AOX1: variants seen among roughly 807,000 people sequenced by gnomAD.
AOX1 encodes aldehyde oxidase 1.
AOX1 carries 153 observed loss-of-function variants against 169.5 expected under a neutral mutation model. That is an observed-to-expected ratio of 0.90 (90% CI 0.79 to 1.03). The LOEUF is 1.03. Ranked by LOEUF, AOX1 falls within the 50% of genes least tolerant of loss-of-function variation. AOX1 has a pLI of 0.00. For missense variants in AOX1, 1,656 were observed against 1,663.9 expected (o/e 1.00, Z 0.08); for synonymous variants, 562 against 581.9 (o/e 0.97, Z 0.49).
intron 25 of AOX1, among the ~76,000 whole-genome samples, chr2:200,645,084 G>GTACCAT (rs1400391293): frequency 2.6e-5 from 4 of 152,060 alleles, no homozygotes; most frequent in Non-Finnish European, 5.9e-5. Context: ...GTACCATATT[G>GTACCAT]AAGAAGAGTG....
intron 2 of AOX1, 46 bp downstream of exon 2, chr2:200,593,249 A>G (rs1249805036): frequency 2.2e-6 from 3 of 1,374,284 alleles, no homozygotes; most frequent in Non-Finnish European, 3.1e-6. Context: ...GTGTATTTGT[A>G]TAACTCCAAT....
At chr2:200,605,068 C>G (rs10187029) in intron 9 of AOX1, among the ~76,000 whole-genome samples, 35,556 of 152,128 alleles carry the variant, frequency 0.23, 4,312 homozygotes, top group Middle Eastern at 0.3. Flanking sequence ...AAGAGTTGTA[C>G]CGAAGGGGCT....
At position 200,597,495 on chromosome 2, in the gene AOX1, A is replaced by G; in HGVS notation, c.299A>G (p.His100Arg). Residue 100 changes from histidine (H) to arginine (R), a missense_variant, in exon 4 of 35, where the codon CAT (histidine) becomes CGT (arginine). His to Arg is a conservative substitution (Grantham distance 29). Transcript: ENST00000374700. Reference protein sequence around the residue: ...EGIGSTHTRIHPVQERIAKCH... With the variant: ...EGIGSTHTRIRPVQERIAKCH... ...ATAGGAAGCACCCACACCAGAATTC[A>G]TCCTGTTCAGGTGAGGATGTGCCTC... is the stretch of plus-strand genomic sequence containing the variant. The G allele has an allele frequency of 1.2e-6, 2 of 1,609,336 alleles. No individual in the cohort carries two copies.
At chr2:200,630,722 T>A (rs898434365) in intron 20 of AOX1, among the ~76,000 whole-genome samples, 17 of 152,190 alleles carry the variant, frequency 1.1e-4, no homozygotes, top group African/African-American at 4.1e-4. Flanking sequence ...TGCTATCGTC[T>A]TTTGGATTAT....
chr2:200,597,013 C>T (rs946351378), intron 3 of AOX1, among the ~76,000 whole-genome samples: 5 of 152,088 alleles, frequency 3.3e-5, no homozygotes, highest in African/African-American at 4.8e-5. Context: ...AGTCTGGCTG[C>T]TCTGGTTGCT....
At chr2:200,648,101 T>C (rs1253762884) in intron 25 of AOX1, among the ~76,000 whole-genome samples, 1 of 152,210 alleles carries the variant, frequency 6.6e-6, no homozygotes, top group African/African-American at 2.4e-5. Flanking sequence ...AATCAGAGAT[T>C]TCTTCTTGGT....
chr2:200,610,539 A>G (rs2034613566), intron 12 of AOX1, among the ~76,000 whole-genome samples: 1 of 152,162 alleles, frequency 6.6e-6, no homozygotes, highest in South Asian at 2.1e-4. Flanking sequence ...TTCCTTATAT[A>G]TTAATTAAAG....
chr2:200,606,296 A>T (rs757853182), intron 10 of AOX1, among the ~76,000 whole-genome samples: 1 of 151,998 alleles, frequency 6.6e-6, no homozygotes, highest in Admixed American at 6.6e-5. Flanking sequence ...ATGGTTGTGG[A>T]TGTGTGGTTT....
rs1275429098 is a variant in AOX1, at chr2:200,613,023, T to TGAGAGA, written c.1448+231_1448+232insAGAGAG. ...GTGTGCGTGTGTGTGTGTGTGTGTG[T>TGAGAGA]GTGTGAGAGAGAGAGAGAGAGACAG... On this transcript the variant is annotated intron_variant, in intron 14 of 34. Transcript: ENST00000374700. Among the ~76,000 whole-genome samples the TGAGAGA allele has an allele frequency of 2.0e-4, 18 of 90,056 alleles. No homozygotes were observed. In the South Asian group the frequency reaches 2.1e-3, roughly 11 times the overall value. 59.1% of individuals were successfully genotyped at this position (90,056 alleles called of 152,430 possible).
chr2:200,623,787 G>A (rs1420981157), intron 18 of AOX1, 74 bp from the exon 19 acceptor site: 1 of 1,604,822 alleles, frequency 6.2e-7, no homozygotes, highest in Non-Finnish European at 8.5e-7. Flanking sequence ...GTACTAGGAG[G>A]GAGGAAGAAA....
At chr2:200,598,726 A>T (rs1240535506) in intron 4 of AOX1, among the ~76,000 whole-genome samples, 2 of 151,844 alleles carry the variant, frequency 1.3e-5, no homozygotes, top group Non-Finnish European at 1.5e-5. Context: ...GCCTGGCAAC[A>T]GAGCAAGACT....
intron 15 of AOX1, 42 bp downstream of exon 15, chr2:200,614,008 C>A (rs552536132): frequency 1.3e-6 from 2 of 1,570,206 alleles, no homozygotes; most frequent in South Asian, 2.3e-5. Context: ...GTACTGGGAG[C>A]TATGATGACA....
intron 4 of AOX1, among the ~76,000 whole-genome samples, chr2:200,598,969 T>A (rs913010580): frequency 5.3e-5 from 8 of 152,146 alleles, no homozygotes; most frequent in African/African-American, 1.9e-4. Flanking sequence ...GAGAGAATTC[T>A]GCCTGGATGC....
intron 28 of AOX1, among the ~76,000 whole-genome samples, chr2:200,659,700 T>C (rs2035774931): frequency 6.6e-6 from 1 of 152,132 alleles, no homozygotes; most frequent in Non-Finnish European, 1.5e-5. Flanking sequence ...CCATGCCATG[T>C]CTGAAAGCAA....
downstream of AOX1, among the ~76,000 whole-genome samples, chr2:200,676,045 T>A (rs540362592): frequency 6.7e-6 from 1 of 149,760 alleles, no homozygotes; most frequent in African/African-American, 2.4e-5. Context: ...TATATGTGCA[T>A]GGGAAAATTC....
chr2:200,620,954 TC>T lies in AOX1; in HGVS notation c.1874+136del. ...AATGCAGACCAGAGGTGAAACAGGA[TC>T]GAAATGTAGGATTTACTACAACTTC... On this transcript the variant is annotated intron_variant, in intron 17 of 34. Transcript: ENST00000374700. 16 of 1,310,080 alleles carry T rather than the reference TC, an allele frequency of 1.2e-5. No individual in the cohort carries two copies. In the South Asian group the frequency reaches 1.9e-4, roughly 15 times the overall value. The allele number at this position is 1,310,080 out of a possible 1,614,324, so 81.2% of individuals were successfully genotyped here. A position where few individuals can be genotyped will look rare whatever the true frequency, so the allele number is the denominator to read the frequency against.
chr2:200,593,939 G>C (rs2034226652), intron 2 of AOX1, among the ~76,000 whole-genome samples: 1 of 152,106 alleles, frequency 6.6e-6, no homozygotes, highest in Admixed American at 6.5e-5. Context: ...TTTAAAGTTT[G>C]GTTCACTATG....
At position 200,636,929 on chromosome 2, in the gene AOX1, T is replaced by C; in HGVS notation, c.2365T>C (p.Leu789=). 1 of 1,614,084 alleles carries C rather than the reference T, an allele frequency of 6.2e-7. No individual in the cohort carries two copies. The highest frequency in any genetic ancestry group is 8.5e-7 in the Non-Finnish European group (1 of 1,179,946). The change falls in exon 22 of 35, where the codon TTG becomes CTG. Residue 789 remains leucine (L), a synonymous_variant. Transcript: ENST00000374700. ...TTCACAGGACATTGTTGCCTCAACC[T>C]TGAAGCTCCCAGCTAACAAGGTCAT... ...KYIQDIVAST[L]KLPANKVMCH...
chr2:200,613,188 A>G (rs1411649121), intron 14 of AOX1, among the ~76,000 whole-genome samples: 2 of 152,204 alleles, frequency 1.3e-5, no homozygotes, highest in African/African-American at 4.8e-5. Context: ...GACTTCCTAT[A>G]TCTAAAGATG....
Sources: allele counts gnomAD v4.1 joint callset (sites outside exome capture counted in the v4.1 genomes callset), GRCh38; gene constraint gnomAD v4.1.1; transcripts MANE v1.5; gene names NCBI Gene and HGNC (gene_info 2026-07-23, HGNC 2026-07-21).